Variants in STXBP6 observed in about 807,000 individuals in gnomAD.
STXBP6 encodes the protein syntaxin-binding protein 6.
STXBP6 carries 21 observed loss-of-function variants against 26.9 expected under a neutral mutation model. That is an observed-to-expected ratio of 0.78 (90% CI 0.55 to 1.12). STXBP6 has a LOEUF of 1.12. STXBP6 is among the 50% of genes most tolerant of loss of function. The probability of loss-of-function intolerance (pLI) is 0.00; values close to 1 mark genes in which losing one functional copy is unlikely to be tolerated. For synonymous variants in STXBP6, 97 were observed against 92.6 expected (o/e 1.05, Z -0.27); for missense variants, 232 against 257.9 (o/e 0.90, Z 0.69).
At chr14:24,906,033 C>T (rs1470428570) in intron 2 of STXBP6, among the ~76,000 whole-genome samples, 1 of 152,172 alleles carries the variant, frequency 6.6e-6, no homozygotes, top group Non-Finnish European at 1.5e-5. Context: ...AATCAAACAT[C>T]TCTAATTGTT....
rs116382124 is a variant in STXBP6, at chr14:25,018,549, C to G, written c.-33+31329G>C. On this transcript the variant is annotated intron_variant, in intron 1 of 5. Transcript: ENST00000323944. ...AGGGCACTCTCCTGACACTCTATCT[C>G]TTTCTCCCCATCTTTCCACACTCCT... Among the ~76,000 whole-genome samples, 1,450 of 152,298 alleles carry G rather than the reference C, an allele frequency of 9.5e-3. 18 individuals carry two copies. The highest frequency in any genetic ancestry group is 0.032 in the African/African-American group (1,315 of 41,544).
At chr14:24,855,353 G>A (rs1332188023) in intron 4 of STXBP6, among the ~76,000 whole-genome samples, 1 of 152,034 alleles carries the variant, frequency 6.6e-6, no homozygotes, top group African/African-American at 2.4e-5. Flanking sequence ...AAAAAGAAAT[G>A]CCACCTAAGA....
intron 2 of STXBP6, among the ~76,000 whole-genome samples, chr14:24,960,310 C>T (rs2073488519): frequency 1.3e-5 from 2 of 152,186 alleles, no homozygotes; most frequent in South Asian, 4.1e-4. Context: ...ACATGTACTG[C>T]AGCAAAGGTT....
intron 1 of STXBP6, among the ~76,000 whole-genome samples, chr14:24,997,857 T>C (rs1269530869): frequency 6.6e-6 from 1 of 152,118 alleles, no homozygotes; most frequent in Non-Finnish European, 1.5e-5. Flanking sequence ...AAATTATATA[T>C]ATTATATAGC....
intron 2 of STXBP6, among the ~76,000 whole-genome samples, chr14:24,867,534 A>G (rs745456510): frequency 7.2e-5 from 11 of 152,182 alleles, no homozygotes; most frequent in Non-Finnish European, 1.3e-4. Context: ...TAAAAGTGAA[A>G]AGGCAATGCT....
chr14:25,005,610 T>G (rs923100726), intron 1 of STXBP6, among the ~76,000 whole-genome samples: 1 of 152,180 alleles, frequency 6.6e-6, no homozygotes, highest in African/African-American at 2.4e-5. Flanking sequence ...CACAGAATGC[T>G]TACACACAAA....
At position 24,915,801 on chromosome 14, in the gene STXBP6, C is replaced by T. The variant is rs562544922; in HGVS notation, c.155-58644G>A. Among the ~76,000 whole-genome samples, 32 of 152,210 alleles carry T rather than the reference C, an allele frequency of 2.1e-4. No homozygotes were observed. The South Asian group carries it at 4.4e-3, about 21-fold the overall frequency. Reference sequence around the variant, plus strand: ...CACTCCCTCTCTCAACCTTTACTATCCTGAGCCAAGGTTTGCAGAACAAAA... The same window carrying T: ...CACTCCCTCTCTCAACCTTTACTATTCTGAGCCAAGGTTTGCAGAACAAAA... On this transcript the variant is annotated intron_variant, in intron 2 of 5. Coordinates refer to ENST00000323944, the MANE Select transcript of STXBP6 (RefSeq NM_001394410.1).
chr14:25,003,248 C>A (rs1313462918), intron 1 of STXBP6, among the ~76,000 whole-genome samples: 1 of 152,186 alleles, frequency 6.6e-6, no homozygotes, highest in Non-Finnish European at 1.5e-5. Flanking sequence ...AGGAGTCCCA[C>A]AGGTGCTCAA....
chr14:24,870,941 A>T (rs1239738741), intron 2 of STXBP6, among the ~76,000 whole-genome samples: 1 of 152,212 alleles, frequency 6.6e-6, no homozygotes, highest in Non-Finnish European at 1.5e-5. Context: ...CCAGCATTTT[A>T]AAAAACTAAG....
chr14:24,824,890 G>A (rs143702989), intron 4 of STXBP6, among the ~76,000 whole-genome samples: 7 of 152,324 alleles, frequency 4.6e-5, no homozygotes, highest in Non-Finnish European at 8.8e-5. Context: ...GGAAACACAT[G>A]CACAGGGAGG....
chr14:24,942,114 A>C (rs1399602281), intron 2 of STXBP6, among the ~76,000 whole-genome samples: 13 of 152,242 alleles, frequency 8.5e-5, no homozygotes, highest in Admixed American at 8.5e-4. Flanking sequence ...TGATTCAATG[A>C]AATTGTAGGA....
At chr14:24,984,057 C>T (rs569492535) in intron 1 of STXBP6, among the ~76,000 whole-genome samples, 4 of 152,142 alleles carry the variant, frequency 2.6e-5, no homozygotes, top group African/African-American at 9.7e-5. Flanking sequence ...CATGATGAAA[C>T]CCTGTCTCTA....
intron 2 of STXBP6, among the ~76,000 whole-genome samples, chr14:24,893,942 A>G (rs1227564302): frequency 6.6e-6 from 1 of 152,198 alleles, no homozygotes; most frequent in East Asian, 1.9e-4. Context: ...AATTAAATAT[A>G]AATAAGAATA....
intron 2 of STXBP6, among the ~76,000 whole-genome samples, chr14:24,927,663 A>G (rs191344030): frequency 1.3e-4 from 20 of 152,332 alleles, no homozygotes; most frequent in African/African-American, 4.6e-4. Context: ...ACAGACACAT[A>G]GTCTCTCTAT....
intron 2 of STXBP6, among the ~76,000 whole-genome samples, chr14:24,920,098 T>A (rs1029366819): frequency 6.6e-6 from 1 of 152,064 alleles, no homozygotes; most frequent in Non-Finnish European, 1.5e-5. Flanking sequence ...GAGACCAGAA[T>A]ATCAACAGCA....
intron 2 of STXBP6, among the ~76,000 whole-genome samples, chr14:24,861,658 G>A (rs575583322): frequency 1.2e-3 from 178 of 152,038 alleles, no homozygotes; most frequent in Non-Finnish European, 2.1e-3. Context: ...AAAATATCTA[G>A]GTTGTTACCT....
chr14:24,929,138 CA>C (rs2072289784), intron 2 of STXBP6, among the ~76,000 whole-genome samples: 1 of 152,196 alleles, frequency 6.6e-6, no homozygotes, highest in African/African-American at 2.4e-5. Flanking sequence ...ATTCTTCAAC[CA>C]ATCCCAAGCA....
chr14:25,047,025 C>T (rs1364212397), intron 1 of STXBP6, among the ~76,000 whole-genome samples: 2 of 152,140 alleles, frequency 1.3e-5, no homozygotes, highest in Non-Finnish European at 2.9e-5. Context: ...CCTTCCAGGG[C>T]CTGGGTAAGC....
At chr14:24,950,635 A>C (rs11847172) in intron 2 of STXBP6, among the ~76,000 whole-genome samples, 85,819 of 151,958 alleles carry the variant, frequency 0.56, 24,777 homozygotes, top group Middle Eastern at 0.73. Context: ...GGCAAATCTA[A>C]ACTGTGGTGC....
Sources: gnomAD v4.1 joint callset for allele counts (sites outside exome capture counted in the v4.1 genomes callset) on GRCh38, gnomAD v4.1.1 for gene constraint, MANE v1.5 for transcripts, NCBI Gene and HGNC (gene_info 2026-07-23, HGNC 2026-07-21) for gene names.